The following STAG1 variants were observed in gnomAD, a reference collection of about 807,000 sequenced individuals.
STAG1 encodes STAG1 cohesin complex component, also known as cohesin subunit SA-1.
In STAG1, 26 loss-of-function variants were observed where a neutral mutation model predicts 170.9. That is an observed-to-expected ratio of 0.15 (90% CI 0.11 to 0.21). The LOEUF is 0.21. Among genes scored for constraint, STAG1 ranks in the 10% least tolerant of loss-of-function variants. The pLI is 1.00. For synonymous variants in STAG1, 514 were observed against 497.7 expected, an observed-to-expected ratio of 1.03 and a Z score of -0.44; for missense variants, 964 against 1,509.5, an observed-to-expected ratio of 0.64 and a Z score of 5.99.
intron 1 of STAG1, among the ~76,000 whole-genome samples, chr3:136,683,710 A>C (rs562025518): frequency 6.6e-6 from 1 of 152,342 alleles, no homozygotes; most frequent in East Asian, 1.9e-4. Flanking sequence ...GTAAGATATG[A>C]AAAGGAAATA....
At chr3:136,415,357 A>G (rs909469021) in intron 21 of STAG1, among the ~76,000 whole-genome samples, 2 of 152,220 alleles carry the variant, frequency 1.3e-5, no homozygotes, top group Admixed American at 6.5e-5. Flanking sequence ...CATATAGCTA[A>G]TATAATCTCC....
chr3:136,535,893 CCTA>C (rs1328814803), intron 6 of STAG1, among the ~76,000 whole-genome samples: 9 of 152,146 alleles, frequency 5.9e-5, no homozygotes, highest in African/African-American at 1.9e-4. Context: ...AAACCGAATT[CCTA>C]CTATCTGGCT....
chr3:136,501,580 G>A (rs1231463552), intron 8 of STAG1, among the ~76,000 whole-genome samples: 1 of 152,178 alleles, frequency 6.6e-6, no homozygotes. Context: ...TTCCGAGCGA[G>A]GATGGCCCTG....
intron 16 of STAG1, among the ~76,000 whole-genome samples, chr3:136,430,808 C>CAG (rs1305775613): frequency 1.7e-3 from 80 of 48,314 alleles, no homozygotes; most frequent in African/African-American, 3.4e-3. Context: ...CATAGACAGA[C>CAG]ACACACACAC....
intron 21 of STAG1, among the ~76,000 whole-genome samples, chr3:136,405,894 A>G (rs940959387): frequency 9.2e-5 from 14 of 151,816 alleles, no homozygotes; most frequent in African/African-American, 3.4e-4. Context: ...ATTATCAAGT[A>G]CCAATGACGA....
intron 4 of STAG1, among the ~76,000 whole-genome samples, chr3:136,589,269 C>T (rs1157453062): frequency 2.6e-5 from 4 of 151,860 alleles, no homozygotes; most frequent in Admixed American, 6.6e-5. Flanking sequence ...GAGGCCAAGG[C>T]GGGCAGATGA....
intron 1 of STAG1, among the ~76,000 whole-genome samples, chr3:136,751,823 G>A (rs1032818329): frequency 6.6e-6 from 1 of 150,938 alleles, no homozygotes; most frequent in Non-Finnish European, 1.5e-5. Context: ...GGGGGCGGAG[G>A]GCGGGCTTGG....
Position 136,433,574 on chromosome 3 carries a change from T to C in STAG1, c.1632A>G (p.Gly544=). 6.2e-7 allele frequency: 1 copy of C among 1,600,452 alleles called. No homozygotes were observed. Among genetic ancestry groups the C allele is most frequent in the Non-Finnish European group, 8.5e-7 (1 of 1,175,172 alleles). The change falls in exon 16 of 34, where the codon GGA becomes GGG. Residue 544 remains glycine, a synonymous_variant. Coordinates refer to ENST00000383202, the MANE Select transcript of STAG1 (RefSeq NM_005862.3). ...AACTTACTCTCTTGCCGGTACCCCT[T>C]CCCACTGGAGGATGTGCCTCAGCAG... ...RQAAEAHPPV[G]RGTGKRVLTA...
chr3:136,345,760 C>T (rs999379346), intron 29 of STAG1, among the ~76,000 whole-genome samples: 2 of 152,102 alleles, frequency 1.3e-5, no homozygotes, highest in African/African-American at 4.8e-5. Flanking sequence ...CTTTTGCCAT[C>T]GAGCATCCTG....
chr3:136,463,690 C>A (rs555249169), intron 13 of STAG1, among the ~76,000 whole-genome samples: 1 of 138,722 alleles, frequency 7.2e-6, no homozygotes, highest in Admixed American at 7.4e-5. Context: ...CCAGCCTGGG[C>A]AAGACAGCAA....
rs768656412 is a variant in STAG1 at position 136,337,696 on chromosome 3, T to C, written c.*558A>G. 4 of 152,666 alleles carry C rather than the reference T, an allele frequency of 2.6e-5. No homozygotes were observed. Among genetic ancestry groups the C allele is most frequent in the Non-Finnish European group, 4.4e-5 (3 of 68,060 alleles). The allele number at this position is 152,666 out of a possible 1,614,324, so 9.5% of individuals were successfully genotyped here. ...TCAGAATTTCATCTTAGCTTGTCAA[T>C]GTTCTGCTCCTTCATTATTTGTGTT... is the stretch of plus-strand genomic sequence containing the variant. On this transcript the variant is annotated 3_prime_UTR_variant, in exon 34 of 34. Transcript: ENST00000383202.
intron 6 of STAG1, among the ~76,000 whole-genome samples, chr3:136,528,135 C>T (rs985284930): frequency 5.9e-5 from 9 of 152,114 alleles, no homozygotes; most frequent in East Asian, 1.9e-4. Flanking sequence ...CATTTAAGTC[C>T]GCAGAAGTTT....
intron 1 of STAG1, among the ~76,000 whole-genome samples, chr3:136,751,154 T>G (rs1307668256): frequency 6.6e-6 from 1 of 151,932 alleles, no homozygotes; most frequent in African/African-American, 2.4e-5. Flanking sequence ...CAAATAATTT[T>G]TTTTTATGAC....
chr3:136,468,822 C>T (rs2089544538), intron 12 of STAG1, among the ~76,000 whole-genome samples: 1 of 151,832 alleles, frequency 6.6e-6, no homozygotes, highest in South Asian at 2.1e-4. Context: ...GGATGCAAGG[C>T]TGGTTCAATA....
At chr3:136,673,679 T>A (rs1942042410) in intron 1 of STAG1, among the ~76,000 whole-genome samples, 1 of 152,170 alleles carries the variant, frequency 6.6e-6, no homozygotes, top group African/African-American at 2.4e-5. Flanking sequence ...CCTCAAAGCC[T>A]GCCCATGATG....
intron 4 of STAG1, among the ~76,000 whole-genome samples, chr3:136,578,199 T>C (rs1559888855): frequency 6.6e-6 from 1 of 152,178 alleles, no homozygotes; most frequent in Non-Finnish European, 1.5e-5. Context: ...GAGATTTCTA[T>C]GGAGATGATG....
chr3:136,382,419 T>C (rs74790193), intron 22 of STAG1, among the ~76,000 whole-genome samples: 9 of 150,972 alleles, frequency 6.0e-5, no homozygotes, highest in African/African-American at 9.7e-5. Context: ...TTTTTTTTTT[T>C]GAGACAGAGT....
chr3:136,352,083 C>A (rs1219825987), intron 28 of STAG1, among the ~76,000 whole-genome samples: 1 of 152,038 alleles, frequency 6.6e-6, no homozygotes, highest in Non-Finnish European at 1.5e-5. Flanking sequence ...ATAATATCAA[C>A]CTCTAGGGGG....
intron 4 of STAG1, among the ~76,000 whole-genome samples, chr3:136,589,709 T>C (rs1197666307): frequency 7.0e-6 from 1 of 143,170 alleles, no homozygotes; most frequent in Non-Finnish European, 1.5e-5. Context: ...GGTGGGTCCA[T>C]CACTTGAGGT....
Sources: gnomAD v4.1 joint callset for allele counts (sites outside exome capture counted in the v4.1 genomes callset) on GRCh38, gnomAD v4.1.1 for gene constraint, MANE v1.5 for transcripts, NCBI Gene and HGNC (gene_info 2026-07-23, HGNC 2026-07-21) for gene names.